The following PHLDB2 variants were observed in gnomAD, a reference collection of about 807,000 sequenced individuals.
The protein encoded by PHLDB2 is pleckstrin homology-like domain family B member 2.
PHLDB2 carries 71 observed loss-of-function variants against 123.6 expected under a neutral mutation model. That is an observed-to-expected ratio of 0.57 (90% CI 0.47 to 0.70). The LOEUF (loss-of-function observed/expected upper bound fraction) is 0.70. Ranked by LOEUF, PHLDB2 falls within the 30% of genes least tolerant of loss-of-function variation. The pLI, the probability that PHLDB2 is intolerant of heterozygous loss-of-function variation, is 0.00. For synonymous variants in PHLDB2, 547 were observed against 541.6 expected (o/e 1.01, Z -0.14); for missense variants, 1,446 against 1,519.5 (o/e 0.95, Z 0.80).
intron 1 of PHLDB2, among the ~76,000 whole-genome samples, chr3:111,764,616 AT>A (rs2060048775): frequency 6.6e-6 from 1 of 152,196 alleles, no homozygotes; most frequent in Admixed American, 6.5e-5. Context: ...TCAAGTTTCA[AT>A]TTTCAGATTA....
At chr3:111,737,228 T>C (rs1190484511) in intron 1 of PHLDB2, among the ~76,000 whole-genome samples, 2 of 152,218 alleles carry the variant, frequency 1.3e-5, no homozygotes, top group Non-Finnish European at 2.9e-5. Flanking sequence ...TCCAGTGTTT[T>C]CTTATCCCTA....
At chr3:111,908,575 T>C (rs1223648758) in intron 2 of PHLDB2, among the ~76,000 whole-genome samples, 1 of 152,192 alleles carries the variant, frequency 6.6e-6, no homozygotes, top group Non-Finnish European at 1.5e-5. Flanking sequence ...AATTATGCCC[T>C]GGCTGTTGTT....
intron 1 of PHLDB2, among the ~76,000 whole-genome samples, chr3:111,780,291 A>AGAAGAAGAAGAAGAAGAAGAG (rs1559827019): frequency 8.5e-4 from 2 of 2,354 alleles, no homozygotes; most frequent in Non-Finnish European, 3.6e-3. Context: ...AAGAAGAAGA[A>AGAAGAAGAAGAAGAAGAAGAG]GAAGAGGAAG....
At chr3:111,861,237 A>G (rs1171191451) in intron 1 of PHLDB2, among the ~76,000 whole-genome samples, 1 of 152,232 alleles carries the variant, frequency 6.6e-6, no homozygotes, top group East Asian at 1.9e-4. Context: ...TTGTTTGAAT[A>G]AAGAGCGAAG....
At chr3:111,851,966 T>TC (rs2064274558) in intron 2 of PHLDB2, among the ~76,000 whole-genome samples, 2 of 152,012 alleles carry the variant, frequency 1.3e-5, no homozygotes, top group South Asian at 2.1e-4. Flanking sequence ...CTTTTTTTTT[T>TC]CAATATGAAA....
At chr3:111,809,040 T>C (rs74537088) in intron 1 of PHLDB2, among the ~76,000 whole-genome samples, 9,716 of 152,276 alleles carry the variant, frequency 0.064, 423 homozygotes, top group South Asian at 0.16. Context: ...ATCTATACTT[T>C]CCAGAAGGAA....
intron 9 of PHLDB2, among the ~76,000 whole-genome samples, chr3:111,945,812 A>G (rs2070263567): frequency 6.6e-6 from 1 of 151,222 alleles, no homozygotes; most frequent in African/African-American, 2.4e-5. Flanking sequence ...TCTTTTCCCT[A>G]TTTCCCCACC....
intron 1 of PHLDB2, among the ~76,000 whole-genome samples, chr3:111,773,280 C>T (rs965393804): frequency 6.6e-6 from 1 of 152,124 alleles, no homozygotes; most frequent in African/African-American, 2.4e-5. Context: ...AGTGAGAACT[C>T]ATGAATCTCA....
chr3:111,960,537 G>C (rs1051531562), intron 12 of PHLDB2, among the ~76,000 whole-genome samples: 1 of 152,158 alleles, frequency 6.6e-6, no homozygotes, highest in African/African-American at 2.4e-5. Flanking sequence ...CAGAAATTTT[G>C]ACATACAATG....
chr3:111,859,243 A>G, upstream of PHLDB2: 3 of 983,324 alleles, frequency 3.1e-6, no homozygotes, highest in Non-Finnish European at 3.6e-6. Flanking sequence ...GCTCTTAAAA[A>G]AAGCCTGCCA....
chr3:111,919,347 C>A, intron 4 of PHLDB2, 132 bp downstream of exon 4: 1 of 905,710 alleles, frequency 1.1e-6, no homozygotes, highest in Non-Finnish European at 1.7e-6. Flanking sequence ...CAGTGGGTTC[C>A]CTGTATAGAG....
chr3:111,798,110 G>A (rs2061238158), intron 1 of PHLDB2, among the ~76,000 whole-genome samples: 1 of 151,938 alleles, frequency 6.6e-6, no homozygotes, highest in South Asian at 2.1e-4. Flanking sequence ...CTCCATCCTG[G>A]GTGACACAGT....
rs537899765 is a variant in PHLDB2 at position 111,859,434 on chromosome 3, G to A, written c.-157G>A. On this transcript the variant is annotated 5_prime_UTR_variant, in exon 1 of 18. Transcript: ENST00000431670. ...GGTGCCCGCCGCGGTGGTTACAAAG[G>A]GGGTCAAGAGTGCCGGACCCAGCCG... The A allele has an allele frequency of 8.1e-6, 8 of 985,454 alleles. No homozygotes were observed. The highest frequency in any genetic ancestry group is 1.7e-5 in the African/African-American group (1 of 57,254). 61.0% of individuals were successfully genotyped at this position (985,454 alleles called of 1,614,324 possible). A position where few individuals can be genotyped will look rare whatever the true frequency, so the allele number is the denominator to read the frequency against.
At chr3:111,912,662 G>A (rs961239319) in intron 2 of PHLDB2, among the ~76,000 whole-genome samples, 1 of 152,160 alleles carries the variant, frequency 6.6e-6, no homozygotes, top group African/African-American at 2.4e-5. Flanking sequence ...TTTTCTCTTT[G>A]TGTGTCTAGC....
chr3:111,968,227 TC>T (rs2071929264), intron 15 of PHLDB2, among the ~76,000 whole-genome samples: 1 of 152,120 alleles, frequency 6.6e-6, no homozygotes, highest in African/African-American at 2.4e-5. Flanking sequence ...ATGGAAGAGG[TC>T]CTACTAAGCC....
chr3:111,895,585 C>T (rs557580828), intron 2 of PHLDB2, among the ~76,000 whole-genome samples: 1 of 152,082 alleles, frequency 6.6e-6, no homozygotes, highest in East Asian at 1.9e-4. Context: ...TGTTGGCTCA[C>T]GCCTGTAATC....
chr3:111,965,529 T>G (rs1209738649), intron 13 of PHLDB2, among the ~76,000 whole-genome samples: 1 of 152,210 alleles, frequency 6.6e-6, no homozygotes, highest in Non-Finnish European at 1.5e-5. Context: ...ATTCTTCATT[T>G]TTATATGAAT....
At chr3:111,941,038 C>T (rs1265117799) in intron 8 of PHLDB2, among the ~76,000 whole-genome samples, 2 of 152,194 alleles carry the variant, frequency 1.3e-5, no homozygotes, top group Non-Finnish European at 2.9e-5. Flanking sequence ...TTTGGCCCAG[C>T]TGATCTGGTG....
chr3:111,796,426 C>A (rs1035494477), intron 1 of PHLDB2, among the ~76,000 whole-genome samples: 10 of 152,298 alleles, frequency 6.6e-5, no homozygotes, highest in African/African-American at 2.4e-4. Flanking sequence ...TGATGTTATC[C>A]CTTTCCTAAT....
Sources: allele counts gnomAD v4.1 joint callset (sites outside exome capture counted in the v4.1 genomes callset), GRCh38; gene constraint gnomAD v4.1.1; transcripts MANE v1.5; gene names NCBI Gene and HGNC (gene_info 2026-07-23, HGNC 2026-07-21).